HERC1: variants seen among roughly 807,000 people sequenced by gnomAD.
The protein encoded by HERC1 is probable E3 ubiquitin-protein ligase HERC1.
In HERC1, 160 loss-of-function variants were observed where a neutral mutation model predicts 554.3. That is an observed-to-expected ratio of 0.29 (90% CI 0.25 to 0.33). The LOEUF (loss-of-function observed/expected upper bound fraction) is 0.33. Among genes scored for constraint, HERC1 ranks in the 10% least tolerant of loss-of-function variants. HERC1 has a pLI of 1.00. For synonymous variants in HERC1, 2,175 were observed against 2,131.7 expected (o/e 1.02, Z -0.56); for missense variants, 4,919 against 5,918.5 (o/e 0.83, Z 5.54).
chr15:63,619,783 G>C (rs1406103484), intron 74 of HERC1, among the ~76,000 whole-genome samples: 1 of 152,282 alleles, frequency 6.6e-6, no homozygotes, highest in South Asian at 2.1e-4. Context: ...TATTTGCATA[G>C]AGGTGTTTAT....
rs2072289642 is a variant in HERC1, at chr15:63,694,446, C to G, written c.5346G>C (p.Leu1782Phe). The change falls in exon 29 of 78, where the codon TTG (leucine) becomes TTC (phenylalanine). Residue 1782 changes from leucine to phenylalanine, a missense_variant. Around this residue, in one of 11 missense-constraint regions of HERC1, gnomAD observed 1,121 missense variants for 1,244.0 expected, o/e 0.90. Coordinates refer to ENST00000443617, the MANE Select transcript of HERC1 (RefSeq NM_003922.4). This position sits in a 1 kb window ranked among gnomAD's most constrained non-coding sequence, Gnocchi z 4.3. The part of the protein sequence containing the change: ...LAISTGLLNV[L>F]SQLCGTDTML... ...TGGTGTCTGTACCACACAACTGTGA[C>G]AATACGTTTAGCAGACCAGTGGAAA... 1.9e-6 allele frequency: 3 copies of G among 1,613,978 alleles called. No homozygotes were observed. The highest frequency in any genetic ancestry group is 2.5e-6 in the Non-Finnish European group (3 of 1,179,888).
chr15:63,708,981 C>T (rs1024423048), intron 24 of HERC1, among the ~76,000 whole-genome samples: 12 of 151,990 alleles, frequency 7.9e-5, no homozygotes, highest in East Asian at 1.9e-4. Flanking sequence ...GAAAGATGAT[C>T]AAAAGTCAAT....
chr15:63,819,592 T>A (rs569721911), intron 1 of HERC1, among the ~76,000 whole-genome samples: 3 of 152,286 alleles, frequency 2.0e-5, no homozygotes, highest in African/African-American at 7.2e-5. Flanking sequence ...TCTTCTAACA[T>A]CTATTCCTCT....
At chr15:63,826,808 AAAAAAAATATATAT>A (rs1425438970) in intron 1 of HERC1, among the ~76,000 whole-genome samples, 7 of 54,906 alleles carry the variant, frequency 1.3e-4, no homozygotes, top group African/African-American at 5.2e-4. Flanking sequence ...AAAAAAAAAA[AAAAAAAATATATAT>A]ATATATATAT....
In HERC1 at chr15:63,758,426, T is replaced by A; in HGVS notation, c.1027-57A>T. ...TCAAGACAGTTTTAGTCTGGGCATTTTTTATACATATCCTCTGAAATTACT... is the reference window on the plus strand; with the variant it reads ...TCAAGACAGTTTTAGTCTGGGCATTATTTATACATATCCTCTGAAATTACT... On this transcript the variant is annotated intron_variant, in intron 3 of 77. Transcript: ENST00000443617. The surrounding 1 kb of genome is among the most constrained non-coding windows in gnomAD (Gnocchi z 4.0). 8.3e-7 allele frequency: 1 copy of A among 1,211,278 alleles called. No homozygotes were observed. The highest frequency in any genetic ancestry group is 2.5e-5 in the East Asian group (1 of 39,476). The allele number at this position is 1,211,278 out of a possible 1,614,324, so 75.0% of individuals were successfully genotyped here. A position where few individuals can be genotyped will look rare whatever the true frequency, so the allele number is the denominator to read the frequency against.
At chr15:63,739,082 C>T (rs1429291419) in intron 12 of HERC1, among the ~76,000 whole-genome samples, 1 of 151,642 alleles carries the variant, frequency 6.6e-6, no homozygotes, top group African/African-American at 2.4e-5. Flanking sequence ...GTTGTGCAAC[C>T]ATCACCACTA....
intron 57 of HERC1, among the ~76,000 whole-genome samples, chr15:63,644,514 T>C (rs2069231240): frequency 6.6e-6 from 1 of 152,124 alleles, no homozygotes; most frequent in African/African-American, 2.4e-5. Context: ...TTTTTTCTGT[T>C]TTTGCTTTTT....
intron 74 of HERC1, 96 bp from the exon 75 acceptor site, chr15:63,616,778 C>G: frequency 9.3e-7 from 1 of 1,077,460 alleles, no homozygotes; most frequent in Non-Finnish European, 1.4e-6. Context: ...TATACCTGTA[C>G]TGTTCAATAT....
chr15:63,612,530 G>C lies in HERC1; in HGVS notation c.14121C>G (p.Ser4707=), dbSNP rs774191570. The C allele has an allele frequency of 7.1e-5, 114 of 1,613,728 alleles. No homozygotes were observed. Among genetic ancestry groups the C allele is most frequent in the Non-Finnish European group, 9.7e-5 (114 of 1,179,782 alleles). Residue 4707 remains serine (S), a synonymous_variant, in exon 77 of 78, where the codon TCC becomes TCG. Coordinates refer to ENST00000443617, the MANE Select transcript of HERC1 (RefSeq NM_003922.4). The surrounding 1 kb of genome is among the most constrained non-coding windows in gnomAD (Gnocchi z 5.0). ...ACAGCAGCGGCACAGGAACAATCCAGGACATCCCTTCTCGGACTGCAGCCA... is the reference window on the plus strand; with the variant it reads ...ACAGCAGCGGCACAGGAACAATCCACGACATCCCTTCTCGGACTGCAGCCA... ...RQVAAVREGM[S]WIVPVPLLSL...
intron 1 of HERC1, among the ~76,000 whole-genome samples, chr15:63,816,432 G>T (rs1257189020): frequency 6.6e-6 from 1 of 152,196 alleles, no homozygotes; most frequent in African/African-American, 2.4e-5. Flanking sequence ...CAAAAGGTCT[G>T]TTCTCAAGTT....
Position 63,625,972 on chromosome 15 carries a change from G to A in HERC1, c.13275+13C>T, listed in dbSNP as rs772690412. ...CAGTCTGTGCCTGGCTGCTTACCAC[G>A]CCAGTCTGTTACCTGGTTGTTGGGG... On this transcript the variant is annotated intron_variant, in intron 71 of 77. Transcript: ENST00000443617. 2.0e-5 allele frequency: 32 copies of A among 1,600,256 alleles called. No individual in the cohort carries two copies. The highest frequency in any genetic ancestry group is 5.2e-5 in the Admixed American group (3 of 57,826).
chr15:63,625,713 A>C (rs191069930), intron 71 of HERC1, among the ~76,000 whole-genome samples: 32 of 151,638 alleles, frequency 2.1e-4, no homozygotes, highest in African/African-American at 7.2e-4. Flanking sequence ...AAAAAAAAGA[A>C]AGAAATGGTA....
chr15:63,685,259 C>T (rs1364290790), intron 34 of HERC1, among the ~76,000 whole-genome samples: 1 of 152,242 alleles, frequency 6.6e-6, no homozygotes, highest in Non-Finnish European at 1.5e-5. Context: ...CCCTCTGAAA[C>T]CAAGACTCAA....
chr15:63,724,998 C>T (rs573468849), intron 18 of HERC1, among the ~76,000 whole-genome samples: 37 of 152,154 alleles, frequency 2.4e-4, no homozygotes, highest in African/African-American at 7.9e-4. Flanking sequence ...CTCCAAGCCT[C>T]GGAAAATAAG....
intron 1 of HERC1, among the ~76,000 whole-genome samples, chr15:63,821,060 G>A (rs1466406792): frequency 2.6e-5 from 4 of 152,144 alleles, no homozygotes; most frequent in African/African-American, 9.7e-5. Context: ...CATTTCACAT[G>A]TAAGTACTCA....
chr15:63,750,225 TTTA>T (rs2141818179), intron 8 of HERC1, among the ~76,000 whole-genome samples: 3 of 152,338 alleles, frequency 2.0e-5, no homozygotes, highest in African/African-American at 7.2e-5. Context: ...AAAACTGATG[TTTA>T]TTATTTAGTT....
chr15:63,833,305 G>T (rs1045035256), intron 1 of HERC1, among the ~76,000 whole-genome samples: 2 of 152,218 alleles, frequency 1.3e-5, no homozygotes, highest in African/African-American at 4.8e-5. Context: ...GCAGAGGAGA[G>T]GAGGAAGACA....
chr15:63,630,673 G>A (rs1406485386), intron 68 of HERC1, 38 bp from the exon 69 acceptor site: 1 of 1,584,954 alleles, frequency 6.3e-7, no homozygotes, highest in Non-Finnish European at 8.6e-7. Flanking sequence ...GAAATGTTAT[G>A]CACCACACAA....
intron 33 of HERC1, among the ~76,000 whole-genome samples, chr15:63,689,125 A>G (rs1045638055): frequency 6.6e-6 from 1 of 152,250 alleles, no homozygotes; most frequent in Non-Finnish European, 1.5e-5. Context: ...GGCAGAGAAT[A>G]TACGGAGATC....
Sources: gnomAD v4.1 joint callset for allele counts (sites outside exome capture counted in the v4.1 genomes callset) on GRCh38, gnomAD v4.1.1 for gene constraint, gnomAD v4.1.1 regional missense constraint, Gnocchi (gnomAD v3.1) non-coding constraint, MANE v1.5 for transcripts, NCBI Gene and HGNC (gene_info 2026-07-23, HGNC 2026-07-21) for gene names.